NUP62: variants seen among roughly 807,000 people sequenced by gnomAD.
NUP62 encodes the protein nucleoporin 62.
For synonymous variants in NUP62, 305 were observed against 303.4 expected (o/e 1.01, Z -0.05); for missense variants, 647 against 689.4 (o/e 0.94, Z 0.69).
intron 2 of NUP62, chr19:49,911,193 A>G (rs1156870405): frequency 6.6e-6 from 1 of 152,270 alleles, no homozygotes; most frequent in African/African-American, 2.4e-5. Flanking sequence ...TGAGCCCTAA[A>G]GATGATCAGC....
chr19:49,916,446 C>T (rs1256954538), intron 2 of NUP62, among the ~76,000 whole-genome samples: 2 of 150,060 alleles, frequency 1.3e-5, no homozygotes, highest in South Asian at 2.1e-4. Flanking sequence ...CTCCGCCTCC[C>T]GGTATCTTTT....
In NUP62 at chr19:49,909,875, G is replaced by C. The variant is rs2075419220; in HGVS notation, c.-68C>G. On this transcript the variant is annotated 5_prime_UTR_variant, in exon 3 of 3. Coordinates refer to ENST00000352066, the MANE Select transcript of NUP62 (RefSeq NM_016553.5). The stretch of plus-strand genomic sequence containing the variant: ...CAAATCCGTCGGTGTCTGCAGCCTT[G>C]GGAAGATTTCTAAAGCAGAGGAAGT... 6.5e-7 allele frequency: 1 copy of C among 1,539,694 alleles called. No homozygotes were observed. The highest frequency in any genetic ancestry group is 1.4e-5 in the African/African-American group (1 of 73,308).
chr19:49,907,981 C>T lies in NUP62; in HGVS notation c.*258G>A. On this transcript the variant is annotated 3_prime_UTR_variant, in exon 3 of 3. Coordinates refer to ENST00000352066, the MANE Select transcript of NUP62 (RefSeq NM_016553.5). ...TGAGCCAGGATGAGGTGGGTGGTCG[C>T]AGTAGGTGAAAAGGGGCCAAAGATA... 2 of 655,838 alleles carry T rather than the reference C, an allele frequency of 3.0e-6. No individual in the cohort carries two copies. The highest frequency in any genetic ancestry group is 5.0e-6 in the Non-Finnish European group (2 of 401,338). The allele number at this position is 655,838 out of a possible 1,614,324, so 40.6% of individuals were successfully genotyped here.
Position 49,909,493 on chromosome 19 carries a change from G to C in NUP62, c.315C>G (p.Thr105=). 1 of 1,614,160 alleles carries C rather than the reference G, an allele frequency of 6.2e-7. No homozygotes were observed. Among genetic ancestry groups the C allele is most frequent in the Non-Finnish European group, 8.5e-7 (1 of 1,180,024 alleles). Residue 105 remains threonine, a synonymous_variant, in exon 3 of 3, where the codon ACC becomes ACG. Coordinates refer to ENST00000352066, the MANE Select transcript of NUP62 (RefSeq NM_016553.5). ...AGCCGCTGGGGTTTGCCATGGCTGG[G>C]GTGGCAGCTGTGTTGCTCAAGTTGA... ...SKLNLSNTAA[T]PAMANPSGFG...
rs1231006481 is a variant in NUP62, at chr19:49,908,935, G to A, written c.873C>T (p.Ala291=). 1 of 1,608,726 alleles carries A rather than the reference G, an allele frequency of 6.2e-7. No individual in the cohort carries two copies. Among genetic ancestry groups the A allele is most frequent in the Non-Finnish European group, 8.5e-7 (1 of 1,177,706 alleles). Residue 291 remains alanine, a synonymous_variant, in exon 3 of 3, where the codon GCC becomes GCT. Coordinates refer to ENST00000352066, the MANE Select transcript of NUP62 (RefSeq NM_016553.5). ...TTSSSSTTGF[A]LNLKPLAPAG... ...CTGGCGCCAGTGGTTTTAAATTCAA[G>A]GCAAAGCCGGTGGTGCTGCTGCTGC...
chr19:49,923,779 C>T (rs887506792), intron 2 of NUP62, among the ~76,000 whole-genome samples: 1 of 152,250 alleles, frequency 6.6e-6, no homozygotes, highest in East Asian at 1.9e-4. Flanking sequence ...GAGGATGCCA[C>T]TTGCTGAGGG....
intron 2 of NUP62, among the ~76,000 whole-genome samples, chr19:49,919,090 T>C (rs569580445): frequency 4.6e-5 from 7 of 150,982 alleles, no homozygotes; most frequent in African/African-American, 1.5e-4. Context: ...GAGGCGGAGG[T>C]TGCAGTGAGC....
chr19:49,922,305 G>A (rs1473778049), intron 2 of NUP62, among the ~76,000 whole-genome samples: 1 of 152,178 alleles, frequency 6.6e-6, no homozygotes, highest in Non-Finnish European at 1.5e-5. Flanking sequence ...GCTCCTGGTG[G>A]CCTCTGGCTG....
Position 49,909,841 on chromosome 19 carries a change from C to T in NUP62, c.-34G>A. 1 of 1,608,904 alleles carries T rather than the reference C, an allele frequency of 6.2e-7. No individual in the cohort carries two copies. Among genetic ancestry groups the T allele is most frequent in the African/African-American group, 1.3e-5 (1 of 74,950 alleles). On this transcript the variant is annotated 5_prime_UTR_variant, in exon 3 of 3. Coordinates refer to ENST00000352066, the MANE Select transcript of NUP62 (RefSeq NM_016553.5). ...ACTCTGGTGGCGGCAGCTACTCTGG[C>T]TCCCAAAGCAAATCCGTCGGTGTCT...
chr19:49,914,335 T>G (rs1466800960), intron 2 of NUP62, among the ~76,000 whole-genome samples: 1 of 152,040 alleles, frequency 6.6e-6, no homozygotes. Flanking sequence ...GAGGGAGTGT[T>G]GCATTTCCAG....
chr19:49,910,689 G>A (rs1455546991), intron 2 of NUP62, among the ~76,000 whole-genome samples: 1 of 144,782 alleles, frequency 6.9e-6, no homozygotes, highest in Non-Finnish European at 1.5e-5. Flanking sequence ...GACATCACGG[G>A]AGACCATGAG....
chr19:49,922,523 A>G (rs926166991), intron 2 of NUP62, among the ~76,000 whole-genome samples: 3 of 151,854 alleles, frequency 2.0e-5, no homozygotes, highest in African/African-American at 4.8e-5. Flanking sequence ...ACCAGCCTCA[A>G]TCCTCGGAGA....
intron 2 of NUP62, among the ~76,000 whole-genome samples, chr19:49,916,678 G>T (rs1195572983): frequency 6.6e-6 from 1 of 151,644 alleles, no homozygotes; most frequent in Admixed American, 6.6e-5. Flanking sequence ...GCAGGAGAAT[G>T]GCATCAACCC....
Position 49,908,214 on chromosome 19 carries a change from C to T in NUP62, c.*25G>A. On this transcript the variant is annotated 3_prime_UTR_variant, in exon 3 of 3. Transcript: ENST00000352066. ...TTCCCCTCATGAACTCCCTAGGGACCTGCGGGCCCCAGGGCTGCTGTCGCT... is the reference window on the plus strand; with the variant it reads ...TTCCCCTCATGAACTCCCTAGGGACTTGCGGGCCCCAGGGCTGCTGTCGCT... 1 of 1,610,570 alleles carries T rather than the reference C, an allele frequency of 6.2e-7. No homozygotes were observed. Among genetic ancestry groups the T allele is most frequent in the Non-Finnish European group, 8.5e-7 (1 of 1,179,728 alleles).
In NUP62 at chr19:49,929,380, T is replaced by C; in HGVS notation, c.-254A>G. On this transcript the variant is annotated 5_prime_UTR_variant, in exon 1 of 3. Transcript: ENST00000352066. ...TTCTTCAGCCGAGGCCGCCGCCGCC[T>C]CTCCTTGCTGCAGCCATGGAGTGAG... is the stretch of plus-strand genomic sequence containing the variant. 6.5e-6 allele frequency: 1 copy of C among 154,164 alleles called. No homozygotes were observed. The highest frequency in any genetic ancestry group is 1.4e-5 in the Non-Finnish European group (1 of 69,490). The allele number at this position is 154,164 out of a possible 1,614,324, so 9.5% of individuals were successfully genotyped here.
At chr19:49,916,589 G>A (rs1453136682) in intron 2 of NUP62, among the ~76,000 whole-genome samples, 4 of 151,942 alleles carry the variant, frequency 2.6e-5, no homozygotes, top group Admixed American at 6.6e-5. Context: ...GTGAAACCCC[G>A]TCTGCACTAA....
chr19:49,920,534 G>A (rs919520325), intron 2 of NUP62, among the ~76,000 whole-genome samples: 1 of 152,154 alleles, frequency 6.6e-6, no homozygotes, highest in East Asian at 1.9e-4. Context: ...CCAACCAACC[G>A]ACCAACCAAC....
At chr19:49,920,301 T>A (rs2075733941) in intron 2 of NUP62, among the ~76,000 whole-genome samples, 1 of 152,222 alleles carries the variant, frequency 6.6e-6, no homozygotes, top group Non-Finnish European at 1.5e-5. Context: ...CAGGATGGTA[T>A]GAATCTCTCG....
At chr19:49,914,088 C>T (rs1418368087) in intron 2 of NUP62, among the ~76,000 whole-genome samples, 1 of 152,166 alleles carries the variant, frequency 6.6e-6, no homozygotes, top group African/African-American at 2.4e-5. Flanking sequence ...ATGGCTCACA[C>T]CTGTAATCCC....
Sources: allele counts gnomAD v4.1 joint callset (sites outside exome capture counted in the v4.1 genomes callset), GRCh38; gene constraint gnomAD v4.1.1; transcripts MANE v1.5; gene names NCBI Gene and HGNC (gene_info 2026-07-23, HGNC 2026-07-21).